The following PDE10A variants were observed in gnomAD, a reference collection of about 807,000 sequenced individuals.
The protein encoded by PDE10A is phosphodiesterase 10A.
A neutral mutation model predicts 97.7 loss-of-function variants in PDE10A; 39 were observed. The ratio of observed to expected loss-of-function variants is 0.40; its 90% CI spans 0.31 to 0.52. PDE10A has a LOEUF of 0.52. Among genes scored for constraint, PDE10A ranks in the 20% least tolerant of loss-of-function variants. The pLI, the probability that PDE10A is intolerant of heterozygous loss-of-function variation, is 0.56. For synonymous variants in PDE10A, 371 were observed against 376.8 expected (o/e 0.98, Z 0.18); for missense variants, 731 against 1,047.8 (o/e 0.70, Z 4.17).
chr6:165,558,079 T>C (rs1306669932), intron 1 of PDE10A, among the ~76,000 whole-genome samples: 3 of 152,134 alleles, frequency 2.0e-5, no homozygotes, highest in Admixed American at 6.6e-5. Context: ...AGAAATACCA[T>C]TTGACCCAGC....
At chr6:165,383,346 C>T (rs929424078) in intron 17 of PDE10A, among the ~76,000 whole-genome samples, 1 of 152,088 alleles carries the variant, frequency 6.6e-6, no homozygotes, top group African/African-American at 2.4e-5. Flanking sequence ...AATATTCCAG[C>T]AATAATGATT....
intron 18 of PDE10A, among the ~76,000 whole-genome samples, chr6:165,373,493 C>T: frequency 6.6e-6 from 1 of 152,200 alleles, no homozygotes; most frequent in East Asian, 1.9e-4. Flanking sequence ...CTCATCATGA[C>T]TGGCCATCAG....
intron 1 of PDE10A, among the ~76,000 whole-genome samples, chr6:165,565,042 G>A (rs921642498): frequency 6.6e-6 from 1 of 152,204 alleles, no homozygotes; most frequent in Admixed American, 6.5e-5. Context: ...GGCTGAAAGT[G>A]AGAGGATGGG....
intron 3 of PDE10A, among the ~76,000 whole-genome samples, chr6:165,481,368 C>T (rs980945785): frequency 6.6e-6 from 1 of 152,162 alleles, no homozygotes; most frequent in Non-Finnish European, 1.5e-5. Flanking sequence ...GAGAATCCTA[C>T]ATTGCTATGG....
chr6:165,465,736 C>G (rs934362738), intron 3 of PDE10A, among the ~76,000 whole-genome samples: 1 of 152,180 alleles, frequency 6.6e-6, no homozygotes, highest in Non-Finnish European at 1.5e-5. Context: ...AACTCACTCA[C>G]TATCATGAGA....
At chr6:165,596,864 C>CA (rs2128390772) in intron 1 of PDE10A, among the ~76,000 whole-genome samples, 1 of 152,276 alleles carries the variant, frequency 6.6e-6, no homozygotes, top group South Asian at 2.1e-4. Context: ...CCTCTACTGA[C>CA]ATGGCCGCCT....
At chr6:165,740,270 T>G (rs1469343729) in intron 1 of PDE10A, among the ~76,000 whole-genome samples, 3 of 151,980 alleles carry the variant, frequency 2.0e-5, no homozygotes, top group African/African-American at 7.3e-5. Context: ...CATATATGTA[T>G]GTACATACAC....
At chr6:165,765,742 C>T (rs563533700) in intron 1 of PDE10A, among the ~76,000 whole-genome samples, 2 of 152,356 alleles carry the variant, frequency 1.3e-5, no homozygotes, top group East Asian at 1.9e-4. Context: ...CACAGTGCAG[C>T]GGTGGGCTGA....
intron 1 of PDE10A, among the ~76,000 whole-genome samples, chr6:165,638,974 T>C (rs1256691666): frequency 6.6e-6 from 1 of 150,718 alleles, no homozygotes; most frequent in East Asian, 2.0e-4. Flanking sequence ...GTCTACAAAG[T>C]ACCTTCACAT....
intron 1 of PDE10A, among the ~76,000 whole-genome samples, chr6:165,616,976 T>C (rs1787753619): frequency 1.3e-5 from 2 of 152,240 alleles, no homozygotes; most frequent in Admixed American, 1.3e-4. Flanking sequence ...TGCTATTTAC[T>C]GGATGTTCCA....
intron 3 of PDE10A, among the ~76,000 whole-genome samples, chr6:165,471,238 A>G (rs1044694279): frequency 1.3e-5 from 2 of 151,730 alleles, no homozygotes; most frequent in African/African-American, 4.8e-5. Flanking sequence ...TTCTCTTTCC[A>G]CCTCTTGTGT....
intron 2 of PDE10A, among the ~76,000 whole-genome samples, chr6:165,504,133 A>G (rs1238764332): frequency 6.6e-6 from 1 of 152,186 alleles, no homozygotes; most frequent in Non-Finnish European, 1.5e-5. Flanking sequence ...TAATTCTAGA[A>G]TCCTACCAAG....
intron 1 of PDE10A, among the ~76,000 whole-genome samples, chr6:165,881,638 C>T (rs1325386676): frequency 6.7e-6 from 1 of 150,304 alleles, no homozygotes; most frequent in Admixed American, 6.6e-5. Flanking sequence ...CTCTTGACCT[C>T]GTGATCCGCC....
At chr6:165,668,708 AAAAG>A (rs1476148610) in intron 1 of PDE10A, among the ~76,000 whole-genome samples, 12 of 151,530 alleles carry the variant, frequency 7.9e-5, no homozygotes, top group East Asian at 1.9e-4. Flanking sequence ...AGGAAGAAAG[AAAAG>A]AAAGAAAGAG....
rs1790349906 is a variant in PDE10A at position 165,662,718 on chromosome 6, G to C, written c.94C>G (p.Pro32Ala). ...CCGGCCGCGCTGAGCCGGGGTTCCG[G>C]GCGGAGTTTGCCGGGGCCGCAGCCC... ...EPGCGPGKLR[P>A]EPRLSAAGGG... Residue 32 changes from proline (P) to alanine (A), a missense_variant, in exon 1 of 22, where the codon CCG becomes GCG. By Grantham distance (27) the Pro-to-Ala change is conservative. Coordinates refer to ENST00000539869, the MANE Select transcript of PDE10A (RefSeq NM_001385079.1). Among the ~76,000 whole-genome samples, 1 of 147,420 alleles carries C rather than the reference G, an allele frequency of 6.8e-6. No individual in the cohort carries two copies. Among genetic ancestry groups the C allele is most frequent in the Non-Finnish European group, 1.5e-5 (1 of 66,392 alleles).
At chr6:165,444,850 C>T (rs1473205090) in intron 5 of PDE10A, among the ~76,000 whole-genome samples, 1 of 152,058 alleles carries the variant, frequency 6.6e-6, no homozygotes, top group East Asian at 1.9e-4. Context: ...ATTATTTCTA[C>T]TGCGAAGAAA....
At chr6:165,353,269 G>A (rs1020960759) in intron 18 of PDE10A, among the ~76,000 whole-genome samples, 15 of 152,094 alleles carry the variant, frequency 9.9e-5, no homozygotes, top group African/African-American at 3.4e-4. Flanking sequence ...GTGGAAAAGA[G>A]TCTGGTATAT....
chr6:165,914,287 T>C (rs569132884), intron 1 of PDE10A, among the ~76,000 whole-genome samples: 2 of 152,348 alleles, frequency 1.3e-5, no homozygotes, highest in East Asian at 3.9e-4. Context: ...GACGGACATT[T>C]CCTCCTGGGT....
At chr6:165,382,630 A>C (rs1785006988) in intron 17 of PDE10A, among the ~76,000 whole-genome samples, 2 of 152,124 alleles carry the variant, frequency 1.3e-5, no homozygotes, top group Non-Finnish European at 2.9e-5. Context: ...TCTCATGGGG[A>C]TATAATAAAA....
Sources: allele counts gnomAD v4.1 joint callset (sites outside exome capture counted in the v4.1 genomes callset), GRCh38; gene constraint gnomAD v4.1.1; transcripts MANE v1.5; gene names NCBI Gene and HGNC (gene_info 2026-07-23, HGNC 2026-07-21).